Variants in ST13 observed in about 807,000 individuals in gnomAD.
ST13 encodes ST13 Hsp70 interacting protein.
ST13 carries 23 observed loss-of-function variants against 56.7 expected under a neutral mutation model. That is an observed-to-expected ratio of 0.41 (90% CI 0.29 to 0.57). ST13 has a LOEUF of 0.57. ST13 is among the 20% of genes least tolerant of loss of function. The pLI, the probability that ST13 is intolerant of heterozygous loss-of-function variation, is 0.36. For missense variants in ST13, 369 were observed against 459.9 expected, an observed-to-expected ratio of 0.80 and a Z score of 1.81; for synonymous variants, 132 against 142.4, an observed-to-expected ratio of 0.93 and a Z score of 0.52.
rs1247066033 is a variant in ST13, at chr22:40,825,441, CCT to C, written c.*1095_*1096del. 2.0e-5 allele frequency: 3 copies of C among 152,126 alleles called. No individual in the cohort carries two copies. Among genetic ancestry groups the C allele is most frequent in the Non-Finnish European group, 4.4e-5 (3 of 68,014 alleles). The allele number at this position is 152,126 out of a possible 1,614,324, so 9.4% of individuals were successfully genotyped here. A position where few individuals can be genotyped will look rare whatever the true frequency, so the allele number is the denominator to read the frequency against. ...AGAAGACCAAACACCAAAGGGAATC[CCT>C]CTTTCCAATGTCTTCTGATAAGGCA... On this transcript the variant is annotated 3_prime_UTR_variant, in exon 12 of 12. Transcript: ENST00000216218.
intron 10 of ST13, among the ~76,000 whole-genome samples, chr22:40,828,554 A>G (rs2057739610): frequency 1.3e-5 from 2 of 151,994 alleles, no homozygotes; most frequent in African/African-American, 4.8e-5. Context: ...CGGAGCTTGC[A>G]GTGAGCCAAG....
In ST13 at chr22:40,835,883, T is replaced by G; in HGVS notation, c.387A>C (p.Glu129Asp). Reference protein sequence around the residue: ...VAAIEALNDGELQKAIDLFTD... With the variant: ...VAAIEALNDGDLQKAIDLFTD... ...TGAATAAGTCAATGGCTTTCTGGAG[T>G]TCACCTAAAGTGAAACAAAAGTTAT... The change falls in exon 6 of 12, where the codon GAA (glutamate) becomes GAC (aspartate). Residue 129 changes from glutamate to aspartate, a missense_variant. Around this residue, in one of 3 missense-constraint regions of ST13, gnomAD observed 169 missense variants for 175.6 expected, o/e 0.96. Coordinates refer to ENST00000216218, the MANE Select transcript of ST13 (RefSeq NM_003932.5). The G allele has an allele frequency of 1.7e-5, 27 of 1,610,698 alleles. No individual in the cohort carries two copies. The highest frequency in any genetic ancestry group is 2.2e-5 in the Non-Finnish European group (26 of 1,179,332).
chr22:40,845,417 G>A (rs1045766134), intron 3 of ST13, among the ~76,000 whole-genome samples: 4 of 151,802 alleles, frequency 2.6e-5, no homozygotes, highest in African/African-American at 7.3e-5. Flanking sequence ...CTCCCACCTC[G>A]GCCTCCCAAA....
In ST13 at chr22:40,848,287, T is replaced by G. The variant is rs1477101415; in HGVS notation, c.244+7A>C. On this transcript the variant is annotated splice_region_variant and intron_variant, in intron 3 of 11. Transcript: ENST00000216218. ...TTTCAAATACAAACTAACTACCGTC[T>G]CCTCACCTAGATCACTTTCCTCACT... 1.2e-6 allele frequency: 2 copies of G among 1,606,390 alleles called. No individual in the cohort carries two copies. Among genetic ancestry groups the G allele is most frequent in the Non-Finnish European group, 1.7e-6 (2 of 1,173,100 alleles).
At chr22:40,851,742 AG>A (rs1601474910) in intron 1 of ST13, among the ~76,000 whole-genome samples, 2 of 151,508 alleles carry the variant, frequency 1.3e-5, no homozygotes, top group Non-Finnish European at 1.5e-5. Flanking sequence ...GAAAACAGAA[AG>A]GGTTCTTTTT....
intron 2 of ST13, 70 bp from the exon 3 acceptor site, chr22:40,848,439 A>G (rs905602565): frequency 9.2e-7 from 1 of 1,089,530 alleles, no homozygotes; most frequent in African/African-American, 1.6e-5. Context: ...TAATTTCTAC[A>G]AATCTATGTA....
intron 5 of ST13, among the ~76,000 whole-genome samples, chr22:40,836,924 T>A (rs1006227310): frequency 6.6e-6 from 1 of 152,232 alleles, no homozygotes; most frequent in African/African-American, 2.4e-5. Context: ...GAAGTGATCA[T>A]CCCACCTCAG....
intron 2 of ST13, among the ~76,000 whole-genome samples, chr22:40,850,354 A>T (rs1601473879): frequency 6.6e-6 from 1 of 152,200 alleles, no homozygotes; most frequent in Non-Finnish European, 1.5e-5. Context: ...ACCTTCTCCT[A>T]ATCTTACACG....
At chr22:40,832,499 T>C (rs962990506) in intron 8 of ST13, 70 bp downstream of exon 8, 5 of 1,100,292 alleles carry the variant, frequency 4.5e-6, no homozygotes, top group African/African-American at 1.5e-5. Context: ...GAATTACAGC[T>C]GTCGGGGGCT....
chr22:40,850,019 C>T (rs5995958), intron 2 of ST13, among the ~76,000 whole-genome samples: 18,781 of 151,870 alleles, frequency 0.12, 2,103 homozygotes, highest in African/African-American at 0.3. Flanking sequence ...GTCCCAGCAC[C>T]TTGGGAGGCT....
At chr22:40,833,397 A>G (rs560560050) in intron 7 of ST13, among the ~76,000 whole-genome samples, 1 of 151,460 alleles carries the variant, frequency 6.6e-6, no homozygotes, top group African/African-American at 2.4e-5. Flanking sequence ...GTGAAACCCC[A>G]TCTCTACTAA....
intron 4 of ST13, 124 bp downstream of exon 4, chr22:40,844,706 TGCCTAAAAC>T: frequency 1.5e-6 from 1 of 672,456 alleles, no homozygotes; most frequent in South Asian, 1.9e-5. Flanking sequence ...ATACAATGCT[TGCCTAAAAC>T]GCCTGAAGTC....
chr22:40,832,717 A>C, intron 7 of ST13, 46 bp from the exon 8 acceptor site: 1 of 1,352,382 alleles, frequency 7.4e-7, no homozygotes, highest in Non-Finnish European at 1.0e-6. Context: ...ATACATATTC[A>C]CCTATGTGGC....
Position 40,832,565 on chromosome 22 carries a change from A to G in ST13, c.681+4T>C, listed in dbSNP as rs773637746. ...TGACTTTCCCTTTCTCTACTTTGAC[A>G]TACCCTAGGTTGAACTTCTTTCAGC... On this transcript the variant is annotated splice_donor_region_variant and intron_variant, in intron 8 of 11. Transcript: ENST00000216218. 1 of 1,605,322 alleles carries G rather than the reference A, an allele frequency of 6.2e-7. No individual in the cohort carries two copies. Among genetic ancestry groups the G allele is most frequent in the Admixed American group, 1.7e-5 (1 of 59,990 alleles).
rs923082975 is a variant in ST13 at position 40,825,370 on chromosome 22, A to G, written c.*1168T>C. On this transcript the variant is annotated 3_prime_UTR_variant, in exon 12 of 12. Coordinates refer to ENST00000216218, the MANE Select transcript of ST13 (RefSeq NM_003932.5). ...TTCAAACCTTATCTTCAGAATACAA[A>G]GATGAATACTACAAGATAAACTAAC... 1 of 152,220 alleles carries G rather than the reference A, an allele frequency of 6.6e-6. No homozygotes were observed. The highest frequency in any genetic ancestry group is 2.4e-5 in the African/African-American group (1 of 41,452). The allele number at this position is 152,220 out of a possible 1,614,324, so 9.4% of individuals were successfully genotyped here. A position where few individuals can be genotyped will look rare whatever the true frequency, so the allele number is the denominator to read the frequency against.
At chr22:40,827,475 T>C (rs746396579) in intron 10 of ST13, among the ~76,000 whole-genome samples, 9 of 152,222 alleles carry the variant, frequency 5.9e-5, no homozygotes, top group Admixed American at 2.0e-4. Flanking sequence ...AATAACACTG[T>C]TTTTTATTTT....
chr22:40,850,095 T>C (rs950898130), intron 2 of ST13, among the ~76,000 whole-genome samples: 19 of 151,982 alleles, frequency 1.3e-4, no homozygotes, highest in African/African-American at 4.6e-4. Context: ...CCATTTCTAC[T>C]AAAAATAGAA....
intron 1 of ST13, among the ~76,000 whole-genome samples, chr22:40,855,613 CTT>C (rs567274451): frequency 6.6e-6 from 1 of 152,170 alleles, no homozygotes; most frequent in Non-Finnish European, 1.5e-5. Flanking sequence ...TTCCCTGTCA[CTT>C]TTTCTCTTCG....
intron 5 of ST13, among the ~76,000 whole-genome samples, chr22:40,837,281 A>C (rs2057782238): frequency 6.6e-6 from 1 of 152,216 alleles, no homozygotes; most frequent in Non-Finnish European, 1.5e-5. Flanking sequence ...TGTCTAATAA[A>C]CAACTCAGAC....
Sources: allele counts gnomAD v4.1 joint callset (sites outside exome capture counted in the v4.1 genomes callset), GRCh38; gene constraint gnomAD v4.1.1; regional missense constraint gnomAD v4.1.1; transcripts MANE v1.5; gene names NCBI Gene and HGNC (gene_info 2026-07-23, HGNC 2026-07-21).